SORCS3: variants seen among roughly 807,000 people sequenced by gnomAD.
The protein encoded by SORCS3 is VPS10 domain-containing receptor SorCS3.
Under a neutral mutation model 146.3 loss-of-function variants are expected in SORCS3, and 57 were observed. The observed-to-expected ratio is 0.39, with a 90% confidence interval of 0.31 to 0.49. The LOEUF is 0.49. Ranked by LOEUF, SORCS3 falls within the 20% of genes least tolerant of loss-of-function variation. The pLI, the probability that SORCS3 is intolerant of heterozygous loss-of-function variation, is 0.92. For synonymous variants in SORCS3, 653 were observed against 618.5 expected, an observed-to-expected ratio of 1.06 and a Z score of -0.83; for missense variants, 1,341 against 1,575.5, an observed-to-expected ratio of 0.85 and a Z score of 2.52.
chr10:105,154,069 GAAA>G (rs59868914), intron 9 of SORCS3, among the ~76,000 whole-genome samples: 4 of 76,144 alleles, frequency 5.3e-5, no homozygotes, highest in Non-Finnish European at 9.7e-5. Flanking sequence ...GACTCCATCT[GAAA>G]AAAAAAAAAA....
chr10:105,211,351 G>A, intron 17 of SORCS3, 101 bp downstream of exon 17: 1 of 804,324 alleles, frequency 1.2e-6, no homozygotes, highest in South Asian at 1.5e-5. Context: ...GAGTGAAGAT[G>A]GAGTCTGTTT....
At chr10:104,801,370 C>T (rs190094575) in intron 1 of SORCS3, among the ~76,000 whole-genome samples, 40 of 152,260 alleles carry the variant, frequency 2.6e-4, no homozygotes, top group Non-Finnish European at 4.0e-4. Context: ...ATTATAACCT[C>T]GGAAAAATTA....
chr10:105,219,977 A>G (rs1186271457), intron 19 of SORCS3, among the ~76,000 whole-genome samples: 1 of 152,146 alleles, frequency 6.6e-6, no homozygotes, highest in Non-Finnish European at 1.5e-5. Flanking sequence ...CATTTTCCAG[A>G]TAGTTTTTAT....
intron 1 of SORCS3, among the ~76,000 whole-genome samples, chr10:104,716,979 TA>T (rs1416731707): frequency 3.3e-5 from 5 of 152,192 alleles, no homozygotes; most frequent in African/African-American, 1.2e-4. Flanking sequence ...AAAAAAGAAG[TA>T]TATTCTAGCC....
intron 1 of SORCS3, among the ~76,000 whole-genome samples, chr10:104,776,486 G>A (rs1220731544): frequency 6.6e-6 from 1 of 151,844 alleles, no homozygotes; most frequent in African/African-American, 2.4e-5. Context: ...TTAATATTTG[G>A]GTGTTTTTGT....
intron 3 of SORCS3, among the ~76,000 whole-genome samples, chr10:104,941,841 A>G (rs770849646): frequency 1.3e-5 from 2 of 152,010 alleles, no homozygotes; most frequent in Non-Finnish European, 2.9e-5. Context: ...TCAACTCCCC[A>G]CTAGGGGAAA....
intron 1 of SORCS3, among the ~76,000 whole-genome samples, chr10:104,804,053 C>T (rs1393236469): frequency 6.6e-6 from 1 of 152,188 alleles, no homozygotes; most frequent in Non-Finnish European, 1.5e-5. Context: ...CATCCTTTGC[C>T]TCCTCTAATT....
intron 14 of SORCS3, among the ~76,000 whole-genome samples, chr10:105,197,452 ACACT>A (rs2119607104): frequency 6.6e-6 from 1 of 152,304 alleles, no homozygotes; most frequent in Non-Finnish European, 1.5e-5. Flanking sequence ...GTAGATTCAA[ACACT>A]CAGTCTATAT....
At chr10:104,848,328 T>A (rs2018231311) in intron 2 of SORCS3, among the ~76,000 whole-genome samples, 4 of 152,152 alleles carry the variant, frequency 2.6e-5, no homozygotes. Context: ...GGATGCTGCT[T>A]TTTTAAAATA....
intron 2 of SORCS3, among the ~76,000 whole-genome samples, chr10:104,844,454 C>T (rs2018181637): frequency 6.6e-6 from 1 of 152,160 alleles, no homozygotes; most frequent in Admixed American, 6.5e-5. Flanking sequence ...GTATAGGAAC[C>T]TAGGCCAGTT....
At chr10:104,658,659 G>T (rs190255007) in intron 1 of SORCS3, among the ~76,000 whole-genome samples, 554 of 152,216 alleles carry the variant, frequency 3.6e-3, no homozygotes, top group Non-Finnish European at 5.9e-3. Context: ...CTGGCCTCAA[G>T]TCCCCTTTCT....
intron 4 of SORCS3, among the ~76,000 whole-genome samples, chr10:104,983,994 C>A (rs1027983630): frequency 2.0e-5 from 3 of 152,098 alleles, no homozygotes; most frequent in African/African-American, 7.2e-5. Context: ...ATGAAACCAG[C>A]AACCTGATCA....
intron 20 of SORCS3, among the ~76,000 whole-genome samples, chr10:105,234,676 A>T (rs925081200): frequency 6.6e-6 from 1 of 151,502 alleles, no homozygotes; most frequent in African/African-American, 2.4e-5. Context: ...AGGCATTTTT[A>T]AATTTCAGGT....
intron 1 of SORCS3, among the ~76,000 whole-genome samples, chr10:104,742,719 T>C (rs542722947): frequency 6.6e-6 from 1 of 152,298 alleles, no homozygotes; most frequent in Non-Finnish European, 1.5e-5. Context: ...GGCAAACATC[T>C]TGACAACTGA....
intron 14 of SORCS3, among the ~76,000 whole-genome samples, chr10:105,191,814 C>T (rs1414835559): frequency 6.6e-6 from 1 of 152,130 alleles, no homozygotes; most frequent in Non-Finnish European, 1.5e-5. Context: ...CACAGCTGAC[C>T]TGACAGGAGA....
intron 1 of SORCS3, among the ~76,000 whole-genome samples, chr10:104,824,901 T>C (rs2017917420): frequency 6.6e-6 from 1 of 152,154 alleles, no homozygotes; most frequent in African/African-American, 2.4e-5. Flanking sequence ...GCAGGCAGGA[T>C]CAGCAGAGAC....
At chr10:105,022,550 T>A (rs1379355120) in intron 4 of SORCS3, among the ~76,000 whole-genome samples, 1 of 152,106 alleles carries the variant, frequency 6.6e-6, no homozygotes, top group African/African-American at 2.4e-5. Flanking sequence ...TACTTTCCAC[T>A]CATTTTTCTA....
intron 1 of SORCS3, among the ~76,000 whole-genome samples, chr10:104,841,353 T>A (rs1356606463): frequency 1.3e-5 from 2 of 152,144 alleles, no homozygotes; most frequent in African/African-American, 2.4e-5. Context: ...TATTAATACA[T>A]ACTCTTTGAT....
intron 20 of SORCS3, among the ~76,000 whole-genome samples, chr10:105,242,744 TTA>T (rs1270045706): frequency 1.6e-4 from 16 of 100,858 alleles, no homozygotes; most frequent in East Asian, 6.1e-4. Context: ...ATTTATATAT[TTA>T]TATATATTTA....
Sources: allele counts gnomAD v4.1 joint callset (sites outside exome capture counted in the v4.1 genomes callset), GRCh38; gene constraint gnomAD v4.1.1; transcripts MANE v1.5; gene names NCBI Gene and HGNC (gene_info 2026-07-23, HGNC 2026-07-21).